The following TRIM37 variants were observed in gnomAD, a reference collection of about 807,000 sequenced individuals.
TRIM37 encodes tripartite motif containing 37.
In TRIM37, 80 loss-of-function variants were observed where a neutral mutation model predicts 129.8. That is an observed-to-expected ratio of 0.62 (90% CI 0.51 to 0.74). The LOEUF (loss-of-function observed/expected upper bound fraction) is 0.74. TRIM37 is among the 30% of genes least tolerant of loss of function. The probability of loss-of-function intolerance (pLI) is 0.00; values close to 1 mark genes in which losing one functional copy is unlikely to be tolerated. For missense variants in TRIM37, 1,054 were observed against 1,176.5 expected, an observed-to-expected ratio of 0.90 and a Z score of 1.52; for synonymous variants, 389 against 387.1, an observed-to-expected ratio of 1.00 and a Z score of -0.06.
intron 23 of TRIM37, 110 bp from the exon 24 acceptor site, chr17:58,999,569 T>C (rs965078778): frequency 3.9e-5 from 36 of 914,750 alleles, no homozygotes; most frequent in South Asian, 4.9e-5. Flanking sequence ...ATTTAAGTGA[T>C]AAAGATGTGC....
rs893837289 is a variant in TRIM37 at position 59,047,716 on chromosome 17, T to C, written c.1634A>G (p.Asn545Ser). 2 of 1,614,040 alleles carry C rather than the reference T, an allele frequency of 1.2e-6. No homozygotes were observed. The highest frequency in any genetic ancestry group is 1.3e-5 in the African/African-American group (1 of 75,062). Residue 545 changes from asparagine (N) to serine (S), a missense_variant, in exon 16 of 24, where the codon AAT becomes AGT. Asn to Ser is a conservative substitution (Grantham distance 46, BLOSUM62 1). Around this residue, in one of 3 missense-constraint regions of TRIM37, gnomAD observed 752 missense variants for 870.8 expected, o/e 0.86. Coordinates refer to ENST00000262294, the MANE Select transcript of TRIM37 (RefSeq NM_015294.6). The part of the protein sequence containing the change: ...SSSASSTATS[N>S]TEENDIDEET... ...TTCATCAATATCATTTTCTTCTGTA[T>C]TACTTGTTGCTGTGGAACTAGCAGA...
At position 59,001,636 on chromosome 17, in the gene TRIM37, T is replaced by G; in HGVS notation, c.2774A>C (p.His925Pro). 1 of 1,614,060 alleles carries G rather than the reference T, an allele frequency of 6.2e-7. No homozygotes were observed. Among genetic ancestry groups the G allele is most frequent in the South Asian group, 1.1e-5 (1 of 91,078 alleles). The change falls in exon 23 of 24, where the codon CAC becomes CCC. Residue 925 changes from histidine (H) to proline (P), a missense_variant. By Grantham distance (77) the His-to-Pro change is moderately conservative. Transcript: ENST00000262294. ...QEEHTSVGGF[H>P]DSFMVMTQPP... ...CTGTGTCATGACCATGAAGGAGTCG[T>G]GAAACCCGCCCACACTGGTATGCTC... is the stretch of plus-strand genomic sequence containing the variant.
At chr17:59,093,847 C>T (rs979237494) in intron 2 of TRIM37, among the ~76,000 whole-genome samples, 7 of 152,148 alleles carry the variant, frequency 4.6e-5, no homozygotes, top group African/African-American at 9.7e-5. Context: ...GTGAGTTTTA[C>T]ATTCTCTGAA....
intron 17 of TRIM37, 146 bp downstream of exon 17, chr17:59,041,667 T>C (rs2039166447): frequency 1.6e-6 from 1 of 639,166 alleles, no homozygotes; most frequent in Non-Finnish European, 2.8e-6. Flanking sequence ...TAATAAACTC[T>C]AAAAAATCCA....
rs1834334414 is a variant in TRIM37, at chr17:59,042,444, AAAAAAAT to A, written c.1668-553_1668-547del. On this transcript the variant is annotated intron_variant, in intron 16 of 23. Coordinates refer to ENST00000262294, the MANE Select transcript of TRIM37 (RefSeq NM_015294.6). ...AAAAAAGGAATTTAAAAAAAAAAAA[AAAAAAAT>A]ATATATATATATATATATATATATC... 1.2e-3 allele frequency among the ~76,000 whole-genome samples: 51 copies of A among 43,108 alleles called. 1 individual carries two copies. The East Asian group carries it at 0.036, about 31-fold the overall frequency. 28.3% of individuals were successfully genotyped at this position (43,108 alleles called of 152,430 possible). A position where few individuals can be genotyped will look rare whatever the true frequency, so the allele number is the denominator to read the frequency against.
At chr17:59,019,009 C>T (rs1339223859) in intron 19 of TRIM37, among the ~76,000 whole-genome samples, 25 of 152,090 alleles carry the variant, frequency 1.6e-4, no homozygotes, top group Admixed American at 1.6e-3. Context: ...ATAAGTGTTG[C>T]CAACGGTATG....
the TRIM37 span, chr17:58,972,193 C>T: frequency 6.2e-7 from 1 of 1,614,054 alleles, no homozygotes. Flanking sequence ...CTACATGTGG[C>T]CTGGGTGGGT....
chr17:59,018,797 A>G (rs908917471), intron 19 of TRIM37, among the ~76,000 whole-genome samples: 6 of 152,272 alleles, frequency 3.9e-5, no homozygotes, highest in African/African-American at 1.2e-4. Flanking sequence ...ACAATACCCA[A>G]AACAATCTTA....
chr17:58,994,019 G>A (rs766777137), downstream of TRIM37, among the ~76,000 whole-genome samples: 3 of 152,160 alleles, frequency 2.0e-5, no homozygotes, highest in African/African-American at 4.8e-5. Flanking sequence ...TTTTTGTAGG[G>A]CATAGCCTGG....
rs116265787 is a variant in TRIM37, at chr17:59,062,453, A to G, written c.942+114T>C. On this transcript the variant is annotated intron_variant, in intron 11 of 23. Transcript: ENST00000262294. The stretch of plus-strand genomic sequence containing the variant: ...AAGGGGAACAGGGAATGCGGACAGC[A>G]TATGTAACAAAAAAAAGAAGAGTTA... 1.5e-3 allele frequency: 1,233 copies of G among 827,664 alleles called. 10 individuals are homozygous for G. In the African/African-American group the frequency reaches 0.018, roughly 12 times the overall value. The allele number at this position is 827,664 out of a possible 1,614,324, so 51.3% of individuals were successfully genotyped here.
intron 22 of TRIM37, among the ~76,000 whole-genome samples, chr17:59,006,889 C>CA (rs1184865504): frequency 6.6e-6 from 1 of 150,932 alleles, no homozygotes; most frequent in Non-Finnish European, 1.5e-5. Flanking sequence ...ACTCTGTCTC[C>CA]AAAAAATAAA....
chr17:59,081,937 CAAA>C (rs1157296161), intron 5 of TRIM37, among the ~76,000 whole-genome samples: 4 of 48,904 alleles, frequency 8.2e-5, no homozygotes, highest in Non-Finnish European at 1.2e-4. Context: ...TAATAAAAAC[CAAA>C]AAAAAAAAAA....
chr17:59,101,719 C>CATATATACATATACATGTTTATATATAT (rs2045523355), intron 2 of TRIM37, among the ~76,000 whole-genome samples: 3 of 138,556 alleles, frequency 2.2e-5, no homozygotes, highest in Admixed American at 1.5e-4. Context: ...CACACACACA[C>CATATATACATATACATGTTTATATATAT]ACATATATAC....
the TRIM37 span, among the ~76,000 whole-genome samples, chr17:58,971,449 C>G: frequency 6.6e-6 from 1 of 152,096 alleles, no homozygotes; most frequent in Non-Finnish European, 1.5e-5. Flanking sequence ...TATAGTAGGA[C>G]CAAGAGCTTT....
the TRIM37 span, chr17:58,973,031 T>C: frequency 1.4e-6 from 1 of 692,830 alleles, no homozygotes; most frequent in Admixed American, 2.9e-5. Flanking sequence ...GTTACCAGAA[T>C]GCTTATTATT....
rs2043101575 is a variant in TRIM37, at chr17:59,079,696, C to T, written c.616+58G>A. 4 of 1,607,632 alleles carry T rather than the reference C, an allele frequency of 2.5e-6. No individual in the cohort carries two copies. The South Asian group carries it at 4.4e-5, about 18-fold the overall frequency. On this transcript the variant is annotated intron_variant, in intron 7 of 23. Coordinates refer to ENST00000262294, the MANE Select transcript of TRIM37 (RefSeq NM_015294.6). Reference sequence around the variant, plus strand: ...GATGATCACCCTTATTCTTCAAAGACTGAATCTCAAAGAAGCTGAAAGCAC... The same window carrying T: ...GATGATCACCCTTATTCTTCAAAGATTGAATCTCAAAGAAGCTGAAAGCAC...
chr17:59,054,924 C>T (rs1161661779), intron 13 of TRIM37, among the ~76,000 whole-genome samples: 1 of 151,926 alleles, frequency 6.6e-6, no homozygotes, highest in Admixed American at 6.6e-5. Context: ...CCTCAGCCTC[C>T]CAAAGTGCTG....
intron 16 of TRIM37, among the ~76,000 whole-genome samples, chr17:59,046,472 C>A (rs2039809192): frequency 6.6e-6 from 1 of 152,026 alleles, no homozygotes; most frequent in African/African-American, 2.4e-5. Flanking sequence ...CAGACTAATC[C>A]AAACTGAGGG....
chr17:59,065,844 CAAAT>C (rs1021681205), intron 9 of TRIM37, among the ~76,000 whole-genome samples: 3 of 152,278 alleles, frequency 2.0e-5, no homozygotes, highest in Non-Finnish European at 4.4e-5. Context: ...ACAATATAGA[CAAAT>C]AATTCTTTAT....
Sources: allele counts gnomAD v4.1 joint callset (sites outside exome capture counted in the v4.1 genomes callset), GRCh38; gene constraint gnomAD v4.1.1; regional missense constraint gnomAD v4.1.1; transcripts MANE v1.5; gene names NCBI Gene and HGNC (gene_info 2026-07-23, HGNC 2026-07-21).